The following TANC2 variants were observed in gnomAD, a reference collection of about 807,000 sequenced individuals.
TANC2 encodes the protein protein TANC2.
In TANC2, 26 loss-of-function variants were observed where a neutral mutation model predicts 210.5. The ratio of observed to expected loss-of-function variants is 0.12; its 90% CI spans 0.09 to 0.17. The LOEUF is 0.17. Ranked by LOEUF, TANC2 falls within the 10% of genes least tolerant of loss-of-function variation. The probability of loss-of-function intolerance (pLI) is 1.00; values close to 1 mark genes in which losing one functional copy is unlikely to be tolerated. For missense variants in TANC2, 2,129 were observed against 2,608.9 expected (o/e 0.82, Z 4.01); for synonymous variants, 931 against 967.1 (o/e 0.96, Z 0.69).
At chr17:63,364,715 A>G (rs1375678599) in intron 14 of TANC2, among the ~76,000 whole-genome samples, 1 of 152,036 alleles carries the variant, frequency 6.6e-6, no homozygotes, top group Non-Finnish European at 1.5e-5. Context: ...TGAGGCCAGG[A>G]GTTCAAGGTT....
At chr17:63,282,901 T>C (rs527838339) in intron 9 of TANC2, among the ~76,000 whole-genome samples, 2 of 152,202 alleles carry the variant, frequency 1.3e-5, no homozygotes, top group East Asian at 3.9e-4. Flanking sequence ...AAATATTTTT[T>C]CCTCGTTTAT....
intron 2 of TANC2, among the ~76,000 whole-genome samples, chr17:63,029,176 C>T (rs942745910): frequency 4.6e-5 from 7 of 151,986 alleles, no homozygotes; most frequent in Admixed American, 2.0e-4. Context: ...ACACAGCCTA[C>T]GTTAGCTTGA....
At chr17:63,011,148 A>G (rs1256612841) in intron 2 of TANC2, among the ~76,000 whole-genome samples, 1 of 152,132 alleles carries the variant, frequency 6.6e-6, no homozygotes, top group Non-Finnish European at 1.5e-5. Context: ...AACCACTTTT[A>G]TCACTCTGAA....
At chr17:63,147,688 C>G (rs1463801106) in intron 4 of TANC2, among the ~76,000 whole-genome samples, 1 of 152,020 alleles carries the variant, frequency 6.6e-6, no homozygotes, top group African/African-American at 2.4e-5. Flanking sequence ...TTTTGTGAAC[C>G]CATGGTCTAA....
chr17:63,120,002 G>T (rs993453345), intron 4 of TANC2, among the ~76,000 whole-genome samples: 1 of 151,152 alleles, frequency 6.6e-6, no homozygotes, highest in Non-Finnish European at 1.5e-5. Flanking sequence ...CTGCACTCCA[G>T]ACCAAGTGAC....
intron 2 of TANC2, among the ~76,000 whole-genome samples, chr17:63,019,539 G>A (rs1024328893): frequency 5.9e-5 from 9 of 151,908 alleles, no homozygotes; most frequent in Non-Finnish European, 1.0e-4. Context: ...ATTTTGATAG[G>A]TATATAGAGG....
chr17:63,357,555 A>G (rs1389127733), intron 14 of TANC2, among the ~76,000 whole-genome samples: 1 of 152,208 alleles, frequency 6.6e-6, no homozygotes, highest in Non-Finnish European at 1.5e-5. Flanking sequence ...AAAATTGTAA[A>G]CAGGACCAGG....
intron 18 of TANC2, among the ~76,000 whole-genome samples, chr17:63,397,193 T>C (rs2048192473): frequency 6.6e-6 from 1 of 152,104 alleles, no homozygotes; most frequent in Non-Finnish European, 1.5e-5. Context: ...GAGAATCGCC[T>C]GAACCCGGGA....
At chr17:62,974,227 T>A (rs2031872142) in intron 1 of TANC2, among the ~76,000 whole-genome samples, 1 of 152,220 alleles carries the variant, frequency 6.6e-6, no homozygotes, top group South Asian at 2.1e-4. Context: ...GTTGTACCTC[T>A]CTGATGACAC....
Position 63,256,266 on chromosome 17 carries a change from C to G in TANC2, c.1034-11482C>G, listed in dbSNP as rs180896399. Among the ~76,000 whole-genome samples, 6 of 152,272 alleles carry G rather than the reference C, an allele frequency of 3.9e-5. No homozygotes were observed. The East Asian group carries it at 1.2e-3, about 29-fold the overall frequency. ...AATTTTCCTCTTAATACTGCTTTCA[C>G]TGTATCCTATAGGTGTTCCATACTA... On this transcript the variant is annotated intron_variant, in intron 8 of 27. Transcript: ENST00000689528.
intron 2 of TANC2, among the ~76,000 whole-genome samples, chr17:63,047,170 CTGCTTTAGACATCTG>C (rs1367088674): frequency 6.6e-6 from 1 of 152,116 alleles, no homozygotes; most frequent in Non-Finnish European, 1.5e-5. Flanking sequence ...TTTCAGGTGT[CTGCTTTAGACATCTG>C]AAGGTAGAGA....
At chr17:63,326,246 G>A (rs1383041357) in intron 11 of TANC2, among the ~76,000 whole-genome samples, 1 of 152,216 alleles carries the variant, frequency 6.6e-6, no homozygotes, top group Non-Finnish European at 1.5e-5. Flanking sequence ...TGGACACTTA[G>A]TGTATGATGA....
chr17:63,219,600 C>T (rs937944969), intron 7 of TANC2, among the ~76,000 whole-genome samples: 3 of 152,158 alleles, frequency 2.0e-5, no homozygotes, highest in Admixed American at 6.5e-5. Context: ...TTAGTAGAGA[C>T]GGGGTTTCCC....
chr17:63,096,656 C>T (rs1230147084), intron 3 of TANC2, among the ~76,000 whole-genome samples: 2 of 152,092 alleles, frequency 1.3e-5, no homozygotes. Flanking sequence ...CAGTTAATGG[C>T]ATTTGGGTTG....
At chr17:63,257,292 A>AT (rs2043223366) in intron 8 of TANC2, among the ~76,000 whole-genome samples, 2 of 149,278 alleles carry the variant, frequency 1.3e-5, no homozygotes, top group African/African-American at 4.9e-5. Flanking sequence ...CTTGCTTTTT[A>AT]TTTTTTGTGT....
chr17:63,419,500 G>C (rs2048960507), intron 27 of TANC2, among the ~76,000 whole-genome samples: 1 of 152,216 alleles, frequency 6.6e-6, no homozygotes, highest in Non-Finnish European at 1.5e-5. Flanking sequence ...TGAGAGATGA[G>C]GGTTAGAAAG....
intron 2 of TANC2, among the ~76,000 whole-genome samples, chr17:63,062,492 C>G (rs2036030376): frequency 6.6e-6 from 1 of 152,160 alleles, no homozygotes; most frequent in African/African-American, 2.4e-5. Context: ...CTCTTCTGAA[C>G]TTTCTACTGC....
In TANC2 at chr17:63,378,242, T is replaced by C. The variant is rs1402876221; in HGVS notation, c.2583-1476T>C. Among the ~76,000 whole-genome samples, 4 of 152,340 alleles carry C rather than the reference T, an allele frequency of 2.6e-5. No individual in the cohort carries two copies. In the East Asian group the frequency reaches 7.7e-4, roughly 29 times the overall value. On this transcript the variant is annotated intron_variant, in intron 14 of 27. Transcript: ENST00000689528. ...TTTTATTGAGCATTTTTATATGCAG[T>C]AGACTATGTTAGGCACTATGGAAGA...
chr17:62,981,377 T>C (rs1253100203), intron 1 of TANC2, among the ~76,000 whole-genome samples: 1 of 152,194 alleles, frequency 6.6e-6, no homozygotes, highest in East Asian at 1.9e-4. Flanking sequence ...CCTCACCTTC[T>C]CAAGGATATG....
Sources: gnomAD v4.1 joint callset for allele counts (sites outside exome capture counted in the v4.1 genomes callset) on GRCh38, gnomAD v4.1.1 for gene constraint, MANE v1.5 for transcripts, NCBI Gene and HGNC (gene_info 2026-07-23, HGNC 2026-07-21) for gene names.